The following ZBTB46 variants were observed in gnomAD, a reference collection of about 807,000 sequenced individuals.
ZBTB46 encodes zinc finger and BTB domain-containing protein 46.
Under a neutral mutation model 44.1 loss-of-function variants are expected in ZBTB46, and 8 were observed. That is an observed-to-expected ratio of 0.18 (90% CI 0.11 to 0.33). The LOEUF (loss-of-function observed/expected upper bound fraction) is 0.33, where lower values mean the gene tolerates loss of function less well. Ranked by LOEUF, ZBTB46 falls within the 10% of genes least tolerant of loss-of-function variation. ZBTB46 has a pLI of 1.00. For missense variants in ZBTB46, 651 were observed against 847.7 expected (o/e 0.77, Z 2.88); for synonymous variants, 409 against 382.3 (o/e 1.07, Z -0.81).
chr20:63,806,407 C>CAAAAAAAA (rs58233169), intron 1 of ZBTB46, among the ~76,000 whole-genome samples: 4 of 91,468 alleles, frequency 4.4e-5, no homozygotes, highest in African/African-American at 1.6e-4. Context: ...AACTCCATCT[C>CAAAAAAAA]AAAAAAAAAA....
At chr20:63,810,760 TAAATAA>T (rs2092713115) in intron 1 of ZBTB46, among the ~76,000 whole-genome samples, 1 of 151,792 alleles carries the variant, frequency 6.6e-6, no homozygotes. Context: ...AACAAAAAAA[TAAATAA>T]AAATAAAACA....
At chr20:63,820,342 G>A (rs1287410492) in intron 1 of ZBTB46, among the ~76,000 whole-genome samples, 4 of 151,816 alleles carry the variant, frequency 2.6e-5, no homozygotes, top group Non-Finnish European at 5.9e-5. Flanking sequence ...CTCATGATCC[G>A]CCTGCCTCGG....
At chr20:63,793,318 G>A (rs2092576049) in intron 1 of ZBTB46, among the ~76,000 whole-genome samples, 1 of 143,538 alleles carries the variant, frequency 7.0e-6, no homozygotes, top group Non-Finnish European at 1.6e-5. Flanking sequence ...AGTGGTTCTT[G>A]ACCGGAGAGC....
chr20:63,832,652 C>G (rs1018903649), upstream of ZBTB46, among the ~76,000 whole-genome samples: 1 of 152,128 alleles, frequency 6.6e-6, no homozygotes, highest in Non-Finnish European at 1.5e-5. This position sits in a 1 kb window ranked among gnomAD's most constrained non-coding sequence, Gnocchi z 5.0. Flanking sequence ...GCGGACACCC[C>G]GTTCCCATCC....
intron 3 of ZBTB46, among the ~76,000 whole-genome samples, chr20:63,759,319 G>A (rs751079936): frequency 6.6e-6 from 1 of 152,102 alleles, no homozygotes; most frequent in African/African-American, 2.4e-5. Flanking sequence ...AGATTCTTTT[G>A]AATGTTCTAT....
Position 63,790,316 on chromosome 20 carries a change from C to A in ZBTB46, c.442G>T (p.Ala148Ser). The change falls in exon 2 of 5, where the codon GCC becomes TCC. Residue 148 changes from alanine (A) to serine (S), a missense_variant. Ala to Ser is a moderately conservative substitution (Grantham distance 99, BLOSUM62 1). Transcript: ENST00000245663. ...GCTTCCGTGCTGCTGCTGGACGAGG[C>A]GCCGATCTCGAACTCCGCAAGCTCA... ...SDELAEFEIG[A>S]SSSSSTEALI... The A allele has an allele frequency of 6.2e-7, 1 of 1,612,980 alleles. No homozygotes were observed. Among genetic ancestry groups the A allele is most frequent in the African/African-American group, 1.3e-5 (1 of 75,046 alleles).
chr20:63,749,850 G>C (rs976559058), intron 4 of ZBTB46, among the ~76,000 whole-genome samples: 3 of 152,234 alleles, frequency 2.0e-5, no homozygotes, highest in African/African-American at 7.2e-5. Flanking sequence ...GGGTGGCACA[G>C]GGACCATGTG....
intron 3 of ZBTB46, among the ~76,000 whole-genome samples, chr20:63,771,216 G>A (rs2092368589): frequency 6.6e-6 from 1 of 152,202 alleles, no homozygotes; most frequent in African/African-American, 2.4e-5. Context: ...GGGAGCGGAG[G>A]AGAGAGGAGC....
At chr20:63,811,575 G>A (rs1355021464) in intron 1 of ZBTB46, among the ~76,000 whole-genome samples, 1 of 151,392 alleles carries the variant, frequency 6.6e-6, no homozygotes, top group Non-Finnish European at 1.5e-5. Context: ...GCAGAGAGGG[G>A]GTGGCCCATA....
chr20:63,828,131 A>G (rs1282971824), intron 1 of ZBTB46, among the ~76,000 whole-genome samples: 1 of 152,226 alleles, frequency 6.6e-6, no homozygotes, highest in East Asian at 1.9e-4. Flanking sequence ...TCTCTTTTCC[A>G]TCTATAAACA....
upstream of ZBTB46, among the ~76,000 whole-genome samples, chr20:63,831,503 T>TC (rs972164412): frequency 2.7e-3 from 392 of 144,222 alleles, 2 homozygotes; most frequent in African/African-American, 9.2e-3. Flanking sequence ...GGGTCCGTTC[T>TC]CCCCCCCGCG....
In ZBTB46 at chr20:63,774,711, T is replaced by G. The variant is rs1293105592; in HGVS notation, c.1222+967A>C. 1.1e-3 allele frequency among the ~76,000 whole-genome samples: 148 copies of G among 132,782 alleles called. 4 individuals carry two copies. The highest frequency in any genetic ancestry group is 3.9e-3 in the African/African-American group (143 of 37,020). 87.1% of individuals were successfully genotyped at this position (132,782 alleles called of 152,430 possible). A position where few individuals can be genotyped will look rare whatever the true frequency, so the allele number is the denominator to read the frequency against. ...TGGGTTTTTTTTGTTTTTTTTTTTG[T>G]TTTTTTTTTTGAGACAGAGTCTCCC... On this transcript the variant is annotated intron_variant, in intron 3 of 4. Transcript: ENST00000245663.
At chr20:63,769,247 T>C in intron 3 of ZBTB46, 1 of 985,366 alleles carries the variant, frequency 1.0e-6, no homozygotes, top group African/African-American at 1.7e-5. Context: ...CCTGGTGTCT[T>C]ACCTGAGCTG....
intron 3 of ZBTB46, among the ~76,000 whole-genome samples, chr20:63,768,826 G>A (rs2092342718): frequency 6.6e-6 from 1 of 152,138 alleles, no homozygotes; most frequent in South Asian, 2.1e-4. Flanking sequence ...TGGCCTCCGA[G>A]TCGGGGGTTG....
chr20:63,791,351 C>G (rs888816671), intron 1 of ZBTB46, among the ~76,000 whole-genome samples: 1 of 152,012 alleles, frequency 6.6e-6, no homozygotes, highest in South Asian at 2.1e-4. Context: ...AAAAAAGCAG[C>G]TGGGCATGGT....
At chr20:63,825,626 A>C (rs972036124) in intron 1 of ZBTB46, among the ~76,000 whole-genome samples, 1 of 152,094 alleles carries the variant, frequency 6.6e-6, no homozygotes, top group African/African-American at 2.4e-5. Flanking sequence ...ATGGCCAATG[A>C]GTGGATTATG....
intron 1 of ZBTB46, among the ~76,000 whole-genome samples, chr20:63,827,585 G>A (rs1431087011): frequency 5.4e-5 from 8 of 149,298 alleles, no homozygotes; most frequent in South Asian, 4.3e-4. Flanking sequence ...TCCGCAGTCC[G>A]GCCTGGGCGA....
Position 63,790,054 on chromosome 20 carries a change from G to C in ZBTB46, c.704C>G (p.Pro235Arg). Residue 235 changes from proline to arginine, a missense_variant, in exon 2 of 5, where the codon CCG (proline) becomes CGG (arginine). Physicochemically the swap from Pro to Arg is moderately radical, Grantham distance 103. Coordinates refer to ENST00000245663, the MANE Select transcript of ZBTB46 (RefSeq NM_001369741.1). ...PLRIKEEQVS[P>R]SQYGGSELPS... ...CAGCTCGCTCCCTCCGTACTGAGAC[G>C]GTGAAACCTGCTCTTCCTTGATGCG... The C allele has an allele frequency of 6.2e-7, 1 of 1,614,024 alleles. No individual in the cohort carries two copies. Among genetic ancestry groups the C allele is most frequent in the Non-Finnish European group, 8.5e-7 (1 of 1,179,996 alleles).
intron 3 of ZBTB46, among the ~76,000 whole-genome samples, chr20:63,770,654 C>A (rs1277686573): frequency 1.3e-5 from 2 of 152,180 alleles, no homozygotes; most frequent in Non-Finnish European, 2.9e-5. Flanking sequence ...ATTCAGAAAT[C>A]TGCGACCACC....
Sources: gnomAD v4.1 joint callset for allele counts (sites outside exome capture counted in the v4.1 genomes callset) on GRCh38, gnomAD v4.1.1 for gene constraint, Gnocchi (gnomAD v3.1) non-coding constraint, MANE v1.5 for transcripts, NCBI Gene and HGNC (gene_info 2026-07-23, HGNC 2026-07-21) for gene names.